The following NUCB2 variants were observed in gnomAD, a reference collection of about 807,000 sequenced individuals.
NUCB2 encodes nucleobindin-2.
A neutral mutation model predicts 57.9 loss-of-function variants in NUCB2; 48 were observed. The ratio of observed to expected loss-of-function variants is 0.83; its 90% CI spans 0.66 to 1.05. NUCB2 has a LOEUF of 1.05. NUCB2 is among the 50% of genes least tolerant of loss of function. The pLI is 0.00. For missense variants in NUCB2, 442 were observed against 476.2 expected, an observed-to-expected ratio of 0.93 and a Z score of 0.67; for synonymous variants, 139 against 152.1, an observed-to-expected ratio of 0.91 and a Z score of 0.64.
rs1386926221 is a variant in NUCB2, at chr11:17,311,992, T to C, written c.820-36T>C. 2.6e-6 allele frequency: 4 copies of C among 1,542,934 alleles called. No individual in the cohort carries two copies. The East Asian group carries it at 9.0e-5, about 35-fold the overall frequency. Reference sequence around the variant, plus strand: ...TCTCTCTTTTTTTCCTGTTACTTTCTTTCCTTTCATGTTCATTTAAAATTT... The same window carrying C: ...TCTCTCTTTTTTTCCTGTTACTTTCCTTCCTTTCATGTTCATTTAAAATTT... On this transcript the variant is annotated intron_variant, in intron 9 of 13. Transcript: ENST00000529010.
intron 1 of NUCB2, among the ~76,000 whole-genome samples, chr11:17,279,775 G>T: frequency 7.6e-6 from 1 of 131,796 alleles, no homozygotes. Flanking sequence ...ATTTTTGGCA[G>T]AGCATTTTTT....
chr11:17,344,277 AG>A (rs1473966082), intron 2 of NUCB2, among the ~76,000 whole-genome samples: 3 of 152,244 alleles, frequency 2.0e-5, no homozygotes, highest in Admixed American at 2.0e-4. Context: ...AGATCTCAGC[AG>A]GGATTATTCA....
intron 2 of NUCB2, among the ~76,000 whole-genome samples, chr11:17,295,110 G>T (rs571738082): frequency 2.8e-4 from 42 of 151,976 alleles, no homozygotes; most frequent in African/African-American, 8.7e-4. Context: ...TTTAATTTTG[G>T]CTACAAAAAC....
chr11:17,309,320 CA>C (rs950664217), intron 5 of NUCB2, among the ~76,000 whole-genome samples: 239 of 145,400 alleles, frequency 1.6e-3, no homozygotes, highest in African/African-American at 5.4e-3. Context: ...GACCATGTCT[CA>C]AAAAAAAAAT....
In NUCB2 at chr11:17,309,584, A is replaced by G. The variant is rs1256871330; in HGVS notation, c.392A>G (p.Asp131Gly). 3.2e-6 allele frequency: 5 copies of G among 1,585,060 alleles called. No individual in the cohort carries two copies. In the South Asian group the frequency reaches 5.8e-5, roughly 18 times the overall value. Residue 131 changes from aspartate to glycine, a missense_variant, in exon 6 of 14, where the codon GAC becomes GGC. Physicochemically the swap from Asp to Gly is moderately conservative, Grantham distance 94. Coordinates refer to ENST00000529010, the MANE Select transcript of NUCB2 (RefSeq NM_005013.4). The stretch of plus-strand genomic sequence containing the variant: ...TATTTTCTTTCAGATATAGGCATGG[A>G]CCACCAAGCTCTTCTAAAACAATTT... ...KLDSLQDIGMDHQALLKQFDH... is the reference protein window; with the variant it reads ...KLDSLQDIGMGHQALLKQFDH...
At chr11:17,278,203 TCTCA>T (rs1189960419) in intron 1 of NUCB2, among the ~76,000 whole-genome samples, 3 of 132,200 alleles carry the variant, frequency 2.3e-5, no homozygotes, top group Non-Finnish European at 4.7e-5. Flanking sequence ...TGAGATGGAG[TCTCA>T]CTCTGTCACC....
intron 11 of NUCB2, among the ~76,000 whole-genome samples, chr11:17,327,384 C>T (rs1246607294): frequency 2.0e-5 from 3 of 152,090 alleles, no homozygotes; most frequent in Non-Finnish European, 4.4e-5. Flanking sequence ...TGTACTTGAC[C>T]TTTGGTAGTT....
intron 5 of NUCB2, among the ~76,000 whole-genome samples, chr11:17,304,233 C>T (rs868306839): frequency 2.0e-5 from 3 of 151,212 alleles, no homozygotes; most frequent in Non-Finnish European, 4.4e-5. Context: ...CACTGAGTCA[C>T]CCATGCTAGA....
At chr11:17,284,438 G>C (rs1378554297) in intron 2 of NUCB2, among the ~76,000 whole-genome samples, 1 of 152,128 alleles carries the variant, frequency 6.6e-6, no homozygotes, top group Non-Finnish European at 1.5e-5. Flanking sequence ...TTGAGAAAAA[G>C]AAATTCAGGG....
intron 2 of NUCB2, 83 bp from the exon 3 acceptor site, chr11:17,295,241 A>G (rs1351619928): frequency 8.3e-6 from 10 of 1,204,340 alleles, no homozygotes; most frequent in African/African-American, 1.6e-5. Context: ...GATTAAATAT[A>G]TGATTAATGT....
chr11:17,291,663 C>G (rs555556366), intron 2 of NUCB2, among the ~76,000 whole-genome samples: 20 of 151,306 alleles, frequency 1.3e-4, no homozygotes, highest in African/African-American at 4.6e-4. Flanking sequence ...AAAAATAAAT[C>G]CAGCTTGAAT....
chr11:17,312,189 A>C (rs1188067097), intron 10 of NUCB2, 69 bp downstream of exon 10: 1 of 868,296 alleles, frequency 1.2e-6, no homozygotes, highest in Non-Finnish European at 1.8e-6. Flanking sequence ...TAAATCTTTA[A>C]GATGGAAAAT....
intron 11 of NUCB2, among the ~76,000 whole-genome samples, chr11:17,320,847 T>C (rs1949926752): frequency 6.6e-6 from 1 of 152,192 alleles, no homozygotes; most frequent in African/African-American, 2.4e-5. Flanking sequence ...TCCTGTCTTG[T>C]GGATTTTAAT....
At chr11:17,301,436 T>C (rs1946728769) in intron 4 of NUCB2, among the ~76,000 whole-genome samples, 1 of 151,574 alleles carries the variant, frequency 6.6e-6, no homozygotes, top group South Asian at 2.1e-4. Flanking sequence ...TGTGTCACCA[T>C]GCCCAGCTAA....
chr11:17,289,835 T>C (rs930295022), intron 2 of NUCB2, among the ~76,000 whole-genome samples: 1 of 152,248 alleles, frequency 6.6e-6, no homozygotes, highest in Non-Finnish European at 1.5e-5. Context: ...TGTCAGAATT[T>C]CCTGTTGACT....
At chr11:17,309,009 A>G (rs560517090) in intron 5 of NUCB2, among the ~76,000 whole-genome samples, 1 of 152,256 alleles carries the variant, frequency 6.6e-6, no homozygotes, top group Non-Finnish European at 1.5e-5. Flanking sequence ...GTTATTTAAG[A>G]TATAACATTA....
At chr11:17,288,751 C>T (rs545525113) in intron 2 of NUCB2, among the ~76,000 whole-genome samples, 14 of 150,404 alleles carry the variant, frequency 9.3e-5, no homozygotes, top group South Asian at 6.3e-4. Context: ...GATGGGGTTT[C>T]GCCATGTTGG....
intron 11 of NUCB2, among the ~76,000 whole-genome samples, chr11:17,322,945 C>T (rs181779028): frequency 6.6e-6 from 1 of 151,860 alleles, no homozygotes; most frequent in African/African-American, 2.4e-5. Context: ...TGCAAATTTA[C>T]TAAATTTATC....
At chr11:17,305,608 GTTTTTA>G (rs1947494786) in intron 5 of NUCB2, among the ~76,000 whole-genome samples, 1 of 151,720 alleles carries the variant, frequency 6.6e-6, no homozygotes, top group Non-Finnish European at 1.5e-5. Flanking sequence ...ATAAAGATAG[GTTTTTA>G]TTTTTATTAT....
Sources: gnomAD v4.1 joint callset for allele counts (sites outside exome capture counted in the v4.1 genomes callset) on GRCh38, gnomAD v4.1.1 for gene constraint, MANE v1.5 for transcripts, NCBI Gene and HGNC (gene_info 2026-07-23, HGNC 2026-07-21) for gene names.